Variants in CNTN5 observed in about 807,000 individuals in gnomAD.
CNTN5 encodes the protein contactin-5.
A neutral mutation model predicts 129.1 loss-of-function variants in CNTN5; 77 were observed. The observed-to-expected ratio is 0.60, with a 90% CI of 0.50 to 0.72. The LOEUF (loss-of-function observed/expected upper bound fraction) is 0.72, where lower values mean the gene tolerates loss of function less well. Ranked by LOEUF, CNTN5 falls within the 30% of genes least tolerant of loss-of-function variation. CNTN5 has a pLI of 0.00. For synonymous variants in CNTN5, 509 were observed against 465.6 expected, an observed-to-expected ratio of 1.09 and a Z score of -1.20; for missense variants, 1,478 against 1,328.8, an observed-to-expected ratio of 1.11 and a Z score of -1.75.
chr11:99,444,593 T>G (rs1943984011), intron 2 of CNTN5, among the ~76,000 whole-genome samples: 1 of 152,202 alleles, frequency 6.6e-6, no homozygotes, highest in Admixed American at 6.5e-5. Flanking sequence ...TTGCCAACAT[T>G]ACTTCAGAGG....
intron 2 of CNTN5, among the ~76,000 whole-genome samples, chr11:99,522,437 T>C (rs893465790): frequency 1.1e-4 from 16 of 152,094 alleles, no homozygotes; most frequent in Non-Finnish European, 2.1e-4. Context: ...TTTTCAAATA[T>C]GCAAAGGGCT....
At chr11:100,328,355 T>A (rs1951831541) in intron 21 of CNTN5, among the ~76,000 whole-genome samples, 1 of 152,076 alleles carries the variant, frequency 6.6e-6, no homozygotes, top group Admixed American at 6.6e-5. Flanking sequence ...ACAAATAAAA[T>A]GAGACCGTGT....
intron 3 of CNTN5, among the ~76,000 whole-genome samples, chr11:99,654,498 T>A (rs1423946238): frequency 6.6e-6 from 1 of 152,006 alleles, no homozygotes; most frequent in Non-Finnish European, 1.5e-5. Context: ...ATGGGACCAA[T>A]GGATATGAAA....
intron 2 of CNTN5, among the ~76,000 whole-genome samples, chr11:99,433,785 T>C (rs1793167506): frequency 6.6e-6 from 1 of 152,178 alleles, no homozygotes; most frequent in South Asian, 2.1e-4. Flanking sequence ...AGATGTTATT[T>C]ATTAAATGTA....
intron 15 of CNTN5, among the ~76,000 whole-genome samples, chr11:100,217,144 GT>G (rs1347272694): frequency 6.6e-6 from 1 of 152,132 alleles, no homozygotes; most frequent in Non-Finnish European, 1.5e-5. Context: ...ACAGCTGGTT[GT>G]TACCTCTAAC....
chr11:99,971,255 C>A (rs1488911989), intron 8 of CNTN5, among the ~76,000 whole-genome samples: 1 of 152,068 alleles, frequency 6.6e-6, no homozygotes, highest in Non-Finnish European at 1.5e-5. Context: ...TGTTAAGATA[C>A]TTTACAAGAC....
intron 4 of CNTN5, 147 bp downstream of exon 4, chr11:99,819,912 A>G (rs990722172): frequency 6.3e-6 from 4 of 639,834 alleles, no homozygotes; most frequent in African/African-American, 1.8e-5. Context: ...GAGAGTTTTT[A>G]AAGCTGGGGT....
intron 7 of CNTN5, among the ~76,000 whole-genome samples, chr11:99,930,114 G>A (rs1193576528): frequency 6.6e-6 from 1 of 152,078 alleles, no homozygotes; most frequent in Admixed American, 6.6e-5. Context: ...GCCAGTGTCT[G>A]GGAGGGGCCA....
chr11:99,055,331 T>G (rs1018380778), intron 1 of CNTN5, among the ~76,000 whole-genome samples: 1 of 152,064 alleles, frequency 6.6e-6, no homozygotes, highest in Non-Finnish European at 1.5e-5. Flanking sequence ...CTTACTATTA[T>G]GCCTGACTAA....
chr11:99,249,708 A>T (rs923316230), intron 1 of CNTN5, among the ~76,000 whole-genome samples: 4 of 152,000 alleles, frequency 2.6e-5, no homozygotes, highest in African/African-American at 9.7e-5. Context: ...TCTAATATAT[A>T]TAATATATTG....
chr11:99,992,481 A>C (rs1298894279), intron 8 of CNTN5, among the ~76,000 whole-genome samples: 1 of 152,264 alleles, frequency 6.6e-6, no homozygotes, highest in Non-Finnish European at 1.5e-5. Context: ...AGGACAAGTC[A>C]CATGAGAAAA....
At position 99,535,489 on chromosome 11, in the gene CNTN5, G is replaced by C. The variant is rs541989545; in HGVS notation, c.-70-20656G>C. ...CAAATGGAACCCTCAAAATATTGTT[G>C]CCAAAATCTACTTGGATCCCATTAG... On this transcript the variant is annotated intron_variant, in intron 2 of 24. Transcript: ENST00000524871. Among the ~76,000 whole-genome samples, 18 of 152,200 alleles carry C rather than the reference G, an allele frequency of 1.2e-4. No individual in the cohort carries two copies. The South Asian group carries it at 3.5e-3, about 30-fold the overall frequency.
At chr11:100,238,793 C>G (rs1194913320) in intron 16 of CNTN5, among the ~76,000 whole-genome samples, 1 of 152,106 alleles carries the variant, frequency 6.6e-6, no homozygotes, top group African/African-American at 2.4e-5. Context: ...GGGAAATAGT[C>G]TATATTTCTC....
chr11:99,655,830 A>G (rs1244417758), intron 3 of CNTN5, among the ~76,000 whole-genome samples: 1 of 151,992 alleles, frequency 6.6e-6, no homozygotes, highest in Non-Finnish European at 1.5e-5. Flanking sequence ...GGATGTAAAG[A>G]CAGGAATAAA....
At chr11:100,083,325 A>C (rs901198433) in intron 13 of CNTN5, among the ~76,000 whole-genome samples, 14 of 151,518 alleles carry the variant, frequency 9.2e-5, no homozygotes, top group African/African-American at 3.2e-4. Context: ...CTCAAAAAAA[A>C]AAAAAAAGAG....
rs1473111777 is a variant in CNTN5, at chr11:100,357,268, C to CCACT, written c.*1049_*1052dup. 6 of 151,710 alleles carry CCACT rather than the reference C, an allele frequency of 4.0e-5. No individual in the cohort carries two copies. The highest frequency in any genetic ancestry group is 1.5e-4 in the African/African-American group (6 of 41,378). The allele number at this position is 151,710 out of a possible 1,614,324, so 9.4% of individuals were successfully genotyped here. On this transcript the variant is annotated 3_prime_UTR_variant, in exon 25 of 25. Coordinates refer to ENST00000524871, the MANE Select transcript of CNTN5 (RefSeq NM_014361.4). ...TAAAAACAGTTCCATGCATCACATACCACTGATAAAATCAACTAGTAAAAT... is the reference window on the plus strand; with the variant it reads ...TAAAAACAGTTCCATGCATCACATACCACTCACTGATAAAATCAACTAGTAAAAT...
intron 2 of CNTN5, among the ~76,000 whole-genome samples, chr11:99,542,944 G>A (rs1361572947): frequency 6.6e-6 from 1 of 152,180 alleles, no homozygotes; most frequent in African/African-American, 2.4e-5. Flanking sequence ...CTTAGAGCAA[G>A]GTATCTTCAA....
chr11:99,214,622 A>G (rs1260962475), intron 1 of CNTN5, among the ~76,000 whole-genome samples: 1 of 151,928 alleles, frequency 6.6e-6, no homozygotes, highest in East Asian at 1.9e-4. Context: ...TCTTTTTGAA[A>G]TTTCAGACAC....
intron 15 of CNTN5, among the ~76,000 whole-genome samples, chr11:100,202,851 C>T (rs578247584): frequency 2.3e-4 from 35 of 152,054 alleles, no homozygotes; most frequent in Middle Eastern, 3.4e-3. Flanking sequence ...GGCCCATTTA[C>T]GCAACAGCCC....
Sources: allele counts gnomAD v4.1 joint callset (sites outside exome capture counted in the v4.1 genomes callset), GRCh38; gene constraint gnomAD v4.1.1; transcripts MANE v1.5; gene names NCBI Gene and HGNC (gene_info 2026-07-23, HGNC 2026-07-21).